The following PRKCI variants were observed in gnomAD, a reference collection of about 807,000 sequenced individuals.
PRKCI encodes protein kinase C iota.
A neutral mutation model predicts 84.0 loss-of-function variants in PRKCI; 43 were observed. The ratio of observed to expected loss-of-function variants is 0.51; its 90% CI spans 0.40 to 0.66. The LOEUF (loss-of-function observed/expected upper bound fraction) is 0.66, where lower values mean the gene tolerates loss of function less well. Ranked by LOEUF, PRKCI falls within the 30% of genes least tolerant of loss-of-function variation. The probability of loss-of-function intolerance (pLI) is 0.00; values close to 1 mark genes in which losing one functional copy is unlikely to be tolerated. For synonymous variants in PRKCI, 216 were observed against 234.4 expected (o/e 0.92, Z 0.72); for missense variants, 459 against 745.6 (o/e 0.62, Z 4.48).
chr3:170,236,926 G>A (rs115557262), intron 2 of PRKCI, among the ~76,000 whole-genome samples: 3,070 of 151,376 alleles, frequency 0.02, 51 homozygotes, highest in East Asian at 0.085. Flanking sequence ...GCTGAGGACA[G>A]ACATTTCCTA....
chr3:170,278,115 T>C (rs1206742199), intron 8 of PRKCI, among the ~76,000 whole-genome samples: 1 of 152,348 alleles, frequency 6.6e-6, no homozygotes, highest in Non-Finnish European at 1.5e-5. Flanking sequence ...TTTTAGGCCC[T>C]TTGAAGATGA....
intron 2 of PRKCI, among the ~76,000 whole-genome samples, chr3:170,253,114 A>G (rs1733494895): frequency 6.6e-6 from 1 of 152,176 alleles, no homozygotes; most frequent in African/African-American, 2.4e-5. Context: ...GTTGCTTCCA[A>G]ATCATGGCTA....
Position 170,285,060 on chromosome 3 carries a change from C to T in PRKCI, c.1203+464C>T, listed in dbSNP as rs528429941. On this transcript the variant is annotated intron_variant, in intron 12 of 17. Transcript: ENST00000295797. ...ATAAAACAAGAATTTCAGTTACTCC[C>T]GGAATATGTCTTCATTTCTTTTTTT... is the stretch of plus-strand genomic sequence containing the variant. Among the ~76,000 whole-genome samples the T allele has an allele frequency of 4.0e-5, 6 of 151,002 alleles. No individual in the cohort carries two copies. The South Asian group carries it at 8.4e-4, about 21-fold the overall frequency.
rs911391393 is a variant in PRKCI at position 170,265,675 on chromosome 3, C to T, written c.365-2240C>T. On this transcript the variant is annotated intron_variant, in intron 4 of 17. Coordinates refer to ENST00000295797, the MANE Select transcript of PRKCI (RefSeq NM_002740.6). ...TGTCGCCCAGGCTGGAGTGCAGTGG[C>T]GAGAACTCGGCTGACTGCAAGCTCT... Among the ~76,000 whole-genome samples, 2 of 149,990 alleles carry T rather than the reference C, an allele frequency of 1.3e-5. 1 individual carries two copies. Among genetic ancestry groups the T allele is most frequent in the Non-Finnish European group, 3.0e-5 (2 of 67,742 alleles).
intron 1 of PRKCI, 73 bp downstream of exon 1, chr3:170,222,843 T>A: frequency 4.9e-6 from 1 of 205,262 alleles, no homozygotes; most frequent in Non-Finnish European, 6.6e-6. Context: ...GAGGGGAGGG[T>A]GAGGGGCTGG....
rs1732936541 is a variant in PRKCI, at chr3:170,235,131, AAAATTACTGAAGTT to A, written c.102-98_102-85del. The A allele has an allele frequency of 5.5e-6, 7 of 1,276,866 alleles. No homozygotes were observed. The East Asian group carries it at 1.5e-4, about 27-fold the overall frequency. The allele number at this position is 1,276,866 out of a possible 1,614,324, so 79.1% of individuals were successfully genotyped here. A position where few individuals can be genotyped will look rare whatever the true frequency, so the allele number is the denominator to read the frequency against. ...AAGCAATACATGTTGATGCACACACAAAATTACTGAAGTTCATCAAATTGTCAAGCATTCAGTAA... is the reference window on the plus strand; with the variant it reads ...AAGCAATACATGTTGATGCACACACACATCAAATTGTCAAGCATTCAGTAA... On this transcript the variant is annotated intron_variant, in intron 1 of 17. Transcript: ENST00000295797.
intron 2 of PRKCI, among the ~76,000 whole-genome samples, chr3:170,252,896 G>A (rs2692240): frequency 0.25 from 38,540 of 151,986 alleles, 5,565 homozygotes; most frequent in African/African-American, 0.4. Context: ...GCTTCTGGTA[G>A]CTATCATTCT....
At chr3:170,271,437 C>A (rs1404729650) in intron 6 of PRKCI, among the ~76,000 whole-genome samples, 1 of 152,148 alleles carries the variant, frequency 6.6e-6, no homozygotes, top group Non-Finnish European at 1.5e-5. Context: ...TGTCAAATAT[C>A]CAGTAAGTGT....
chr3:170,287,970 G>T (rs1014655251), intron 12 of PRKCI, among the ~76,000 whole-genome samples: 1 of 151,676 alleles, frequency 6.6e-6, no homozygotes, highest in African/African-American at 2.4e-5. Context: ...CTCTTGGCCG[G>T]GTGCGGTGGC....
At chr3:170,247,462 G>A (rs887639659) in intron 2 of PRKCI, among the ~76,000 whole-genome samples, 3 of 151,638 alleles carry the variant, frequency 2.0e-5, no homozygotes, top group Middle Eastern at 3.2e-3. Context: ...TGGATGCGGT[G>A]GCTCACACCT....
At chr3:170,242,996 TCTG>T (rs1733174471) in intron 2 of PRKCI, among the ~76,000 whole-genome samples, 1 of 152,140 alleles carries the variant, frequency 6.6e-6, no homozygotes, top group Admixed American at 6.6e-5. Flanking sequence ...ATAGAGAAGT[TCTG>T]CTGGTGAGAA....
At chr3:170,287,324 A>AAT (rs67743862) in intron 12 of PRKCI, among the ~76,000 whole-genome samples, 2,042 of 149,922 alleles carry the variant, frequency 0.014, 36 homozygotes, top group African/African-American at 0.037. Context: ...TCCTATCTAA[A>AAT]ATATATATAT....
chr3:170,236,310 A>T (rs1732975432), intron 2 of PRKCI, among the ~76,000 whole-genome samples: 1 of 151,546 alleles, frequency 6.6e-6, no homozygotes, highest in African/African-American at 2.4e-5. Context: ...CGTGTTGCCC[A>T]GGCTGGTCTT....
intron 14 of PRKCI, among the ~76,000 whole-genome samples, chr3:170,294,191 A>G (rs922300464): frequency 6.6e-6 from 1 of 152,176 alleles, no homozygotes; most frequent in Non-Finnish European, 1.5e-5. Context: ...CAAGAACAGT[A>G]TGAGGGGAAA....
intron 4 of PRKCI, among the ~76,000 whole-genome samples, chr3:170,266,548 TA>T (rs202061036): frequency 0.066 from 9,219 of 138,972 alleles, 468 homozygotes; most frequent in East Asian, 0.22. Context: ...CCAGACTCTT[TA>T]AAAAAAAAAA....
At chr3:170,246,031 T>C (rs546526722) in intron 2 of PRKCI, among the ~76,000 whole-genome samples, 1 of 147,572 alleles carries the variant, frequency 6.8e-6, no homozygotes, top group South Asian at 2.2e-4. Flanking sequence ...CATGGCTCAC[T>C]GCAGCCTACC....
At position 170,246,343 on chromosome 3, in the gene PRKCI, G is replaced by A. The variant is rs191240990; in HGVS notation, c.223+10992G>A. ...AATTTTTGTACTTTTAGTGGAAACA[G>A]GGTTTTGCCATGTTGGCCAGGCTGG... is the stretch of plus-strand genomic sequence containing the variant. On this transcript the variant is annotated intron_variant, in intron 2 of 17. Coordinates refer to ENST00000295797, the MANE Select transcript of PRKCI (RefSeq NM_002740.6). 6.1e-4 allele frequency among the ~76,000 whole-genome samples: 93 copies of A among 152,012 alleles called. No individual in the cohort carries two copies. The East Asian group carries it at 0.017, about 28-fold the overall frequency.
intron 1 of PRKCI, among the ~76,000 whole-genome samples, chr3:170,233,268 A>G (rs1250201541): frequency 7.1e-6 from 1 of 140,550 alleles, no homozygotes; most frequent in East Asian, 2.1e-4. Context: ...AAAACTTTAT[A>G]ATAGATTCTA....
At chr3:170,238,949 A>G (rs1305555499) in intron 2 of PRKCI, among the ~76,000 whole-genome samples, 1 of 152,000 alleles carries the variant, frequency 6.6e-6, no homozygotes, top group Non-Finnish European at 1.5e-5. Context: ...TGCCCAGGCT[A>G]GTCTTGAACT....
Sources: gnomAD v4.1 joint callset for allele counts (sites outside exome capture counted in the v4.1 genomes callset) on GRCh38, gnomAD v4.1.1 for gene constraint, MANE v1.5 for transcripts, NCBI Gene and HGNC (gene_info 2026-07-23, HGNC 2026-07-21) for gene names.